Variants in SBNO1 observed in about 807,000 individuals in gnomAD.
The protein encoded by SBNO1 is protein strawberry notch homolog 1.
SBNO1 carries 23 observed loss-of-function variants against 173.6 expected under a neutral mutation model. The observed-to-expected ratio is 0.13, with a 90% CI of 0.10 to 0.19. The LOEUF (loss-of-function observed/expected upper bound fraction) is 0.19. SBNO1 is among the 10% of genes least tolerant of loss of function. The pLI, the probability that SBNO1 is intolerant of heterozygous loss-of-function variation, is 1.00. For synonymous variants in SBNO1, 632 were observed against 571.5 expected, an observed-to-expected ratio of 1.11 and a Z score of -1.51; for missense variants, 1,238 against 1,671.2, an observed-to-expected ratio of 0.74 and a Z score of 4.52.
At chr12:123,364,588 G>A (rs1000970721) in intron 1 of SBNO1, 113 bp downstream of exon 1, 4 of 983,286 alleles carry the variant, frequency 4.1e-6, no homozygotes, top group African/African-American at 1.8e-5. Context: ...CCCAAGCCGG[G>A]GCGAGGTGGC....
chr12:123,354,074 T>C (rs574219494), intron 1 of SBNO1, among the ~76,000 whole-genome samples: 2 of 152,194 alleles, frequency 1.3e-5, no homozygotes, highest in Non-Finnish European at 2.9e-5. Context: ...TCTGAAATGT[T>C]TTCCTAACAA....
Position 123,304,602 on chromosome 12 carries a change from G to T in SBNO1, c.3748C>A (p.Leu1250Ile). 6.4e-7 allele frequency: 1 copy of T among 1,556,198 alleles called. No individual in the cohort carries two copies. The highest frequency in any genetic ancestry group is 1.7e-4 in the Middle Eastern group (1 of 5,752). ...AATACCTTCTTATATTTCTTTTTTA[G>T]ATCAGCATAAATTTCTAATTTGAGC... ...KQLKLEIYAD[L>I]KKKYKKVVSD... The change falls in exon 29 of 32, where the codon CTA becomes ATA. Residue 1250 changes from leucine (L) to isoleucine (I), a missense_variant. By Grantham distance (5) the Leu-to-Ile change is conservative. Coordinates refer to ENST00000602398, the MANE Select transcript of SBNO1 (RefSeq NM_001167856.3).
rs2048663456 is a variant in SBNO1, at chr12:123,297,946, G to A, written c.4039+32C>T. Reference sequence around the variant, plus strand: ...AAAAAGTCGGATCCGATTTTTTCCTGCAACTCAAACCAAAACAAAAATTAG... The same window carrying A: ...AAAAAGTCGGATCCGATTTTTTCCTACAACTCAAACCAAAACAAAAATTAG... On this transcript the variant is annotated intron_variant, in intron 31 of 31. Coordinates refer to ENST00000602398, the MANE Select transcript of SBNO1 (RefSeq NM_001167856.3). The A allele has an allele frequency of 2.5e-6, 4 of 1,598,672 alleles. No individual in the cohort carries two copies. The South Asian group carries it at 4.5e-5, about 18-fold the overall frequency.
chr12:123,298,255 A>G, intron 30 of SBNO1, 84 bp from the exon 31 acceptor site: 1 of 1,349,446 alleles, frequency 7.4e-7, no homozygotes, highest in Non-Finnish European at 1.0e-6. Context: ...GGTCAACTCA[A>G]ATTTCTTTTC....
At chr12:123,317,958 TTTTTGTATA>T (rs1869484256) in intron 20 of SBNO1, among the ~76,000 whole-genome samples, 2 of 152,290 alleles carry the variant, frequency 1.3e-5, no homozygotes, top group African/African-American at 4.8e-5. Context: ...TAACATTATC[TTTTTGTATA>T]TATATATTTT....
chr12:123,363,525 T>C (rs1310696338), intron 1 of SBNO1, among the ~76,000 whole-genome samples: 1 of 152,138 alleles, frequency 6.6e-6, no homozygotes, highest in African/African-American at 2.4e-5. Flanking sequence ...ATATGAAACA[T>C]TTAACTCAAC....
chr12:123,326,888 C>T (rs1242313198), intron 13 of SBNO1, among the ~76,000 whole-genome samples: 1 of 152,154 alleles, frequency 6.6e-6, no homozygotes, highest in African/African-American at 2.4e-5. Context: ...GATCACACCA[C>T]TGTACTCCAG....
At position 123,292,527 on chromosome 12, in the gene SBNO1, C is replaced by T. The variant is rs760184096; in HGVS notation, c.*3381G>A. ...TCTTGCCGGCTAACAATTGTTCTAA[C>T]AGCATCCCATGGAGGCCAGCAAATG... On this transcript the variant is annotated 3_prime_UTR_variant, in exon 32 of 32. Coordinates refer to ENST00000602398, the MANE Select transcript of SBNO1 (RefSeq NM_001167856.3). 1 of 152,186 alleles carries T rather than the reference C, an allele frequency of 6.6e-6. No individual in the cohort carries two copies. The highest frequency in any genetic ancestry group is 1.5e-5 in the Non-Finnish European group (1 of 68,032). The allele number at this position is 152,186 out of a possible 1,614,324, so 9.4% of individuals were successfully genotyped here.
At chr12:123,364,025 T>C (rs1875755637) in intron 1 of SBNO1, 6 of 985,478 alleles carry the variant, frequency 6.1e-6, no homozygotes, top group Non-Finnish European at 7.2e-6. Flanking sequence ...AATCCCCAAC[T>C]GCCGTTCCCC....
chr12:123,321,866 AC>A, intron 16 of SBNO1, 134 bp from the exon 17 acceptor site: 1 of 713,342 alleles, frequency 1.4e-6, no homozygotes, highest in Non-Finnish European at 2.3e-6. Context: ...CAAAAAACAA[AC>A]AGAATTCACA....
At chr12:123,297,399 C>A (rs1164596590) in intron 31 of SBNO1, among the ~76,000 whole-genome samples, 1 of 15,132 alleles carries the variant, frequency 6.6e-5, no homozygotes, top group Non-Finnish European at 2.3e-4. Flanking sequence ...ATACTGGTGT[C>A]CAAAAAAAAA....
chr12:123,319,997 T>C lies in SBNO1; in HGVS notation c.2702A>G (p.Asp901Gly), dbSNP rs774812067. 8.1e-5 allele frequency: 130 copies of C among 1,613,994 alleles called. No individual in the cohort carries two copies. Among genetic ancestry groups the C allele is most frequent in the Non-Finnish European group, 1.0e-4 (121 of 1,180,000 alleles). ...TGRKGRVVSN[D>G]DGSISYESRS... Reference sequence around the variant, plus strand: ...TGACTCATAAGATATGCTTCCATCATCATTGCTCACAACCCGTCCCTTGCG... The same window carrying C: ...TGACTCATAAGATATGCTTCCATCACCATTGCTCACAACCCGTCCCTTGCG... The change falls in exon 20 of 32, where the codon GAT becomes GGT. Residue 901 changes from aspartate (D) to glycine (G), a missense_variant. Physicochemically the swap from Asp to Gly is moderately conservative, Grantham distance 94. Coordinates refer to ENST00000602398, the MANE Select transcript of SBNO1 (RefSeq NM_001167856.3).
At chr12:123,329,493 A>G (rs1405943496) in intron 9 of SBNO1, among the ~76,000 whole-genome samples, 2 of 151,914 alleles carry the variant, frequency 1.3e-5, no homozygotes, top group African/African-American at 4.8e-5. Flanking sequence ...ATTTACAAAC[A>G]TTTATTGTGC....
Position 123,292,447 on chromosome 12 carries a change from A to C in SBNO1, c.*3461T>G, listed in dbSNP as rs1467083944. On this transcript the variant is annotated 3_prime_UTR_variant, in exon 32 of 32. Transcript: ENST00000602398. Reference sequence around the variant, plus strand: ...ATGCTAAAATGAAAGTGGAGGGGAGAGGGAAGAAGGCTCCCATTCTACAAT... The same window carrying C: ...ATGCTAAAATGAAAGTGGAGGGGAGCGGGAAGAAGGCTCCCATTCTACAAT... The C allele has an allele frequency of 6.6e-6, 1 of 152,120 alleles. No homozygotes were observed. Among genetic ancestry groups the C allele is most frequent in the Non-Finnish European group, 1.5e-5 (1 of 68,022 alleles). The allele number at this position is 152,120 out of a possible 1,614,324, so 9.4% of individuals were successfully genotyped here.
intron 25 of SBNO1, among the ~76,000 whole-genome samples, chr12:123,310,521 C>T (rs534808854): frequency 2.0e-5 from 3 of 151,854 alleles, no homozygotes; most frequent in African/African-American, 4.8e-5. Flanking sequence ...CGTGAGCCAC[C>T]GCGCCCGACC....
intron 10 of SBNO1, 127 bp downstream of exon 10, chr12:123,328,607 C>T: frequency 1.4e-6 from 1 of 693,244 alleles, no homozygotes; most frequent in Non-Finnish European, 2.2e-6. Context: ...CCTTTGGACT[C>T]TAGGTAATCA....
intron 1 of SBNO1, among the ~76,000 whole-genome samples, chr12:123,352,582 T>C (rs2139081680): frequency 6.6e-6 from 1 of 152,344 alleles, no homozygotes; most frequent in East Asian, 1.9e-4. Context: ...CGTGAGCCAC[T>C]GTGCCCGGCC....
chr12:123,309,262 A>T, intron 28 of SBNO1, 48 bp downstream of exon 28: 1 of 1,343,560 alleles, frequency 7.4e-7, no homozygotes, highest in Admixed American at 1.7e-5. Flanking sequence ...AATGCTGGCC[A>T]TTAAAAAGTA....
intron 30 of SBNO1, among the ~76,000 whole-genome samples, chr12:123,300,065 G>A (rs2048734135): frequency 6.6e-6 from 1 of 152,052 alleles, no homozygotes; most frequent in African/African-American, 2.4e-5. Context: ...AGAAAAAGGA[G>A]AAATACCATC....
Sources: allele counts gnomAD v4.1 joint callset (sites outside exome capture counted in the v4.1 genomes callset), GRCh38; gene constraint gnomAD v4.1.1; transcripts MANE v1.5; gene names NCBI Gene and HGNC (gene_info 2026-07-23, HGNC 2026-07-21).